Variants in RIMBP2 observed in about 807,000 individuals in gnomAD.
The protein encoded by RIMBP2 is RIMS-binding protein 2.
A neutral mutation model predicts 118.6 loss-of-function variants in RIMBP2; 48 were observed. The ratio of observed to expected loss-of-function variants is 0.40; its 90% CI spans 0.32 to 0.51. The LOEUF is 0.51. Ranked by LOEUF, RIMBP2 falls within the 20% of genes least tolerant of loss-of-function variation. RIMBP2 has a pLI of 0.41. For missense variants in RIMBP2, 1,551 were observed against 1,768.3 expected, an observed-to-expected ratio of 0.88 and a Z score of 2.20; for synonymous variants, 762 against 742.9, an observed-to-expected ratio of 1.03 and a Z score of -0.42.
rs967823731 is a variant in RIMBP2 at position 130,514,462 on chromosome 12, C to T, written c.-127+3366G>A. Among the ~76,000 whole-genome samples the T allele has an allele frequency of 3.3e-5, 5 of 152,266 alleles. No homozygotes were observed. The East Asian group carries it at 7.7e-4, about 23-fold the overall frequency. On this transcript the variant is annotated intron_variant, in intron 3 of 22. Transcript: ENST00000690449. The stretch of plus-strand genomic sequence containing the variant: ...TGAGCGCTGGGACCCCCACCTCCGC[C>T]GGCCCTTGCTGGCCTGGTCAATGCC...
At chr12:130,421,589 C>G (rs2076408577) in intron 17 of RIMBP2, among the ~76,000 whole-genome samples, 1 of 152,236 alleles carries the variant, frequency 6.6e-6, no homozygotes, top group African/African-American at 2.4e-5. Flanking sequence ...TTTCAGTGGC[C>G]TAGACTATCC....
intron 14 of RIMBP2, among the ~76,000 whole-genome samples, chr12:130,430,839 C>G (rs2077106414): frequency 6.6e-6 from 1 of 151,968 alleles, no homozygotes; most frequent in African/African-American, 2.4e-5. Context: ...CCATGTTGGC[C>G]TGGCTGGTCT....
intron 1 of RIMBP2, among the ~76,000 whole-genome samples, chr12:130,678,628 C>T (rs1288590145): frequency 6.6e-6 from 1 of 152,210 alleles, no homozygotes; most frequent in African/African-American, 2.4e-5. Context: ...AGCGACTCTC[C>T]TGCCTCAGCC....
At position 130,703,584 on chromosome 12, in the gene RIMBP2, T is replaced by A. The variant is rs79327753; in HGVS notation, c.-352+12638A>T. 0.017 allele frequency among the ~76,000 whole-genome samples: 2,520 copies of A among 152,224 alleles called. 74 individuals are homozygous for A. Among genetic ancestry groups the A allele is most frequent in the African/African-American group, 0.057 (2,384 of 41,536 alleles). On this transcript the variant is annotated intron_variant, in intron 1 of 22. Transcript: ENST00000690449. This position sits in a 1 kb window ranked among gnomAD's most constrained non-coding sequence, Gnocchi z 5.7. The stretch of plus-strand genomic sequence containing the variant: ...GGGCCCTGGCATGGGCTCCATCAGA[T>A]CCCGTAATCGGATCCGGGCGCTTTA...
intron 3 of RIMBP2, among the ~76,000 whole-genome samples, chr12:130,515,534 G>A (rs73155109): frequency 0.081 from 12,287 of 152,206 alleles, 595 homozygotes; most frequent in East Asian, 0.16. Context: ...ATGCAGTAGC[G>A]TGTGTCAGAG....
At chr12:130,707,357 C>T (rs998122023) in intron 1 of RIMBP2, among the ~76,000 whole-genome samples, 23 of 152,168 alleles carry the variant, frequency 1.5e-4, no homozygotes, top group African/African-American at 5.5e-4. Flanking sequence ...CAGGAGTCCT[C>T]CCATGGGGAG....
chr12:130,667,077 AAAAAATG>A (rs1247619850), intron 1 of RIMBP2, among the ~76,000 whole-genome samples: 1,371 of 60,404 alleles, frequency 0.023, 143 homozygotes, highest in African/African-American at 0.079. Context: ...GGGAGGGAGG[AAAAAATG>A]AGGGAGGGAG....
chr12:130,627,534 C>T (rs1419559859), intron 2 of RIMBP2, among the ~76,000 whole-genome samples: 2 of 152,160 alleles, frequency 1.3e-5, no homozygotes, highest in Non-Finnish European at 2.9e-5. Context: ...TGGATTTTCC[C>T]GTGTATTTAG....
At chr12:130,596,606 A>G (rs2059575902) in intron 2 of RIMBP2, among the ~76,000 whole-genome samples, 1 of 152,192 alleles carries the variant, frequency 6.6e-6, no homozygotes, top group Non-Finnish European at 1.5e-5. Context: ...CACAGCAAAG[A>G]GGGTTTTCTG....
rs1030427708 is a variant in RIMBP2, at chr12:130,525,943, T to G, written c.-216-8026A>C. ...AGCCTCCCCCGAGCATGTGGAGGGG[T>G]GGGACTCAAGCCCGGGCTGTGCAGC... On this transcript the variant is annotated intron_variant, in intron 2 of 22. Coordinates refer to ENST00000690449, the MANE Select transcript of RIMBP2 (RefSeq NM_001393629.1). This position sits in a 1 kb window ranked among gnomAD's most constrained non-coding sequence, Gnocchi z 4.4. 2.6e-5 allele frequency among the ~76,000 whole-genome samples: 4 copies of G among 151,862 alleles called. No individual in the cohort carries two copies. The highest frequency in any genetic ancestry group is 2.0e-4 in the Admixed American group (3 of 15,246).
At chr12:130,458,589 G>A (rs771814577) in intron 6 of RIMBP2, among the ~76,000 whole-genome samples, 3 of 152,246 alleles carry the variant, frequency 2.0e-5, no homozygotes, top group African/African-American at 2.4e-5. Flanking sequence ...GAGCTCAACT[G>A]TGTGAGCCAA....
chr12:130,491,682 G>T (rs994939476), intron 4 of RIMBP2, among the ~76,000 whole-genome samples: 1 of 152,152 alleles, frequency 6.6e-6, no homozygotes, highest in Non-Finnish European at 1.5e-5. Flanking sequence ...CTCGGGTTTC[G>T]CCCAGAGACA....
chr12:130,438,021 C>T (rs959727176), intron 12 of RIMBP2, among the ~76,000 whole-genome samples: 1 of 152,188 alleles, frequency 6.6e-6, no homozygotes, highest in African/African-American at 2.4e-5. Context: ...CGGGACGCGC[C>T]TTCGGCCATG....
In RIMBP2 at chr12:130,419,868, A is replaced by T. The variant is rs2076310963; in HGVS notation, c.3238+2585T>A. ...TAAAGGATAAAAATCAAACCTAATT[A>T]AGTATATATTTGAAGCCACATAATT... On this transcript the variant is annotated intron_variant, in intron 17 of 22. Coordinates refer to ENST00000690449, the MANE Select transcript of RIMBP2 (RefSeq NM_001393629.1). The surrounding 1 kb of genome is among the most constrained non-coding windows in gnomAD (Gnocchi z 4.3). 6.6e-6 allele frequency: 1 copy of T among 152,222 alleles called. No homozygotes were observed. The highest frequency in any genetic ancestry group is 6.5e-5 in the Admixed American group (1 of 15,280). The allele number at this position is 152,222 out of a possible 1,614,324, so 9.4% of individuals were successfully genotyped here. A position where few individuals can be genotyped will look rare whatever the true frequency, so the allele number is the denominator to read the frequency against.
intron 22 of RIMBP2, chr12:130,399,309 C>A (rs2074302468): frequency 8.8e-6 from 4 of 453,048 alleles, no homozygotes; most frequent in Admixed American, 4.2e-5. Flanking sequence ...CCCTTGGATC[C>A]TTGTGAAGAG....
chr12:130,671,221 AT>A lies in RIMBP2; in HGVS notation c.-351-42766del, dbSNP rs1566444556. Among the ~76,000 whole-genome samples, 3 of 152,224 alleles carry A rather than the reference AT, an allele frequency of 2.0e-5. No individual in the cohort carries two copies. In the South Asian group the frequency reaches 6.2e-4, roughly 32 times the overall value. On this transcript the variant is annotated intron_variant, in intron 1 of 22. Coordinates refer to ENST00000690449, the MANE Select transcript of RIMBP2 (RefSeq NM_001393629.1). Reference sequence around the variant, plus strand: ...AATAAGAGACCCCGGCCCTGATCCAATGTCACAGCTTCCCACTTTCAGACTT... The same window carrying A: ...AATAAGAGACCCCGGCCCTGATCCAAGTCACAGCTTCCCACTTTCAGACTT...
Position 130,428,383 on chromosome 12 carries a change from A to G in RIMBP2, c.2254-46T>C, listed in dbSNP as rs377364322. ...CTACTGAGCGGGTGGCTCCTCCCGC[A>G]TCCTACAAGAGGCCAGATTGAGCTT... On this transcript the variant is annotated intron_variant, in intron 14 of 22. Coordinates refer to ENST00000690449, the MANE Select transcript of RIMBP2 (RefSeq NM_001393629.1). The G allele has an allele frequency of 6.5e-4, 1,012 of 1,566,026 alleles. 9 individuals carry two copies. In the Middle Eastern group the frequency reaches 9.4e-3, roughly 15 times the overall value.
Position 130,617,793 on chromosome 12 carries a change from C to T in RIMBP2, c.-217+10529G>A, listed in dbSNP as rs1320222158. On this transcript the variant is annotated intron_variant, in intron 2 of 22. Transcript: ENST00000690449. The surrounding 1 kb of genome is among the most constrained non-coding windows in gnomAD (Gnocchi z 4.6). The stretch of plus-strand genomic sequence containing the variant: ...TATTCTGGTAGAACAGGAATCACTC[C>T]GTTGTCTGGGCTACTTAGAGATGTT... 3.9e-5 allele frequency among the ~76,000 whole-genome samples: 6 copies of T among 152,108 alleles called. No homozygotes were observed. Among genetic ancestry groups the T allele is most frequent in the Non-Finnish European group, 8.8e-5 (6 of 68,028 alleles).
chr12:130,500,803 T>C (rs1488514357), intron 4 of RIMBP2, among the ~76,000 whole-genome samples: 17 of 152,130 alleles, frequency 1.1e-4, no homozygotes, highest in Non-Finnish European at 2.4e-4. Context: ...CGTCAGGTGC[T>C]AGATGAGAAC....
Sources: allele counts gnomAD v4.1 joint callset (sites outside exome capture counted in the v4.1 genomes callset), GRCh38; gene constraint gnomAD v4.1.1; non-coding constraint Gnocchi (gnomAD v3.1); transcripts MANE v1.5; gene names NCBI Gene and HGNC (gene_info 2026-07-23, HGNC 2026-07-21).